Variants in ZNF778 observed in about 807,000 individuals in gnomAD.
ZNF778 encodes the protein zinc finger protein 778.
In ZNF778, 37 loss-of-function variants were observed where a neutral mutation model predicts 23.9. The ratio of observed to expected loss-of-function variants is 1.54; its 90% CI spans 1.19 to 2.03. The LOEUF (loss-of-function observed/expected upper bound fraction) is 2.03. Among genes scored for constraint, ZNF778 ranks in the 30% most tolerant of loss-of-function variants. The pLI is 0.00. For synonymous variants in ZNF778, 483 were observed against 343.9 expected, an observed-to-expected ratio of 1.40 and a Z score of -4.48; for missense variants, 1,297 against 934.4, an observed-to-expected ratio of 1.39 and a Z score of -5.06.
Position 89,224,705 on chromosome 16 carries a change from T to G in ZNF778, c.245-14T>G. On this transcript the variant is annotated splice_polypyrimidine_tract_variant and intron_variant, in intron 4 of 6. Coordinates refer to ENST00000433976, the MANE Select transcript of ZNF778 (RefSeq NM_001201407.2). ...CTGAGCCTCTTCCATCGATGTCTCT[T>G]TCCCTGTGTACAGGACATCACCTGT... 1 of 1,532,040 alleles carries G rather than the reference T, an allele frequency of 6.5e-7. No homozygotes were observed. Among genetic ancestry groups the G allele is most frequent in the African/African-American group, 1.4e-5 (1 of 73,030 alleles). 94.9% of individuals were successfully genotyped at this position (1,532,040 alleles called of 1,614,324 possible).
intron 1 of ZNF778, among the ~76,000 whole-genome samples, chr16:89,219,539 T>C (rs2030710757): frequency 1.3e-5 from 2 of 152,220 alleles, no homozygotes; most frequent in Admixed American, 1.3e-4. Flanking sequence ...TCTGAAAAGG[T>C]AAGTGGTCAG....
chr16:89,228,104 G>A lies in ZNF778; in HGVS notation c.1816G>A (p.Glu606Lys), dbSNP rs772048314. 14 of 1,612,830 alleles carry A rather than the reference G, an allele frequency of 8.7e-6. No homozygotes were observed. The highest frequency in any genetic ancestry group is 1.6e-4 in the Middle Eastern group (1 of 6,082). ...KTFTVSSSLT[E>K]HIRTHTGEKP... ...ATTCACTGTTTCTTCGAGCCTAACC[G>A]AGCACATACGAACTCACACTGGAGA... The change falls in exon 7 of 7, where the codon GAG (glutamate) becomes AAG (lysine). Residue 606 changes from glutamate (E) to lysine (K), a missense_variant. Coordinates refer to ENST00000433976, the MANE Select transcript of ZNF778 (RefSeq NM_001201407.2).
rs1051080128 is a variant in ZNF778, at chr16:89,229,370, A to G, written c.*808A>G. ...AGATGTGATCTTGTGTGAGCACTGT[A>G]GGCTCTGGTTGGTTAGTCTTGAGGA... On this transcript the variant is annotated 3_prime_UTR_variant, in exon 7 of 7. Transcript: ENST00000433976. 1.0e-6 allele frequency: 1 copy of G among 984,306 alleles called. No individual in the cohort carries two copies. Among genetic ancestry groups the G allele is most frequent in the African/African-American group, 1.8e-5 (1 of 56,620 alleles). 61.0% of individuals were successfully genotyped at this position (984,306 alleles called of 1,614,324 possible). A position where few individuals can be genotyped will look rare whatever the true frequency, so the allele number is the denominator to read the frequency against.
chr16:89,218,278 C>T (rs1432056343), intron 1 of ZNF778: 3 of 152,242 alleles, frequency 2.0e-5, no homozygotes, highest in Non-Finnish European at 2.9e-5. Context: ...ACATCTGCTA[C>T]AAGGAATATC....
rs2031795212 is a variant in ZNF778, at chr16:89,229,539, GGTTA to G, written c.*980_*983del. 7.2e-6 allele frequency: 7 copies of G among 975,526 alleles called. No individual in the cohort carries two copies. Among genetic ancestry groups the G allele is most frequent in the Non-Finnish European group, 8.5e-6 (7 of 828,228 alleles). The allele number at this position is 975,526 out of a possible 1,614,324, so 60.4% of individuals were successfully genotyped here. A position where few individuals can be genotyped will look rare whatever the true frequency, so the allele number is the denominator to read the frequency against. On this transcript the variant is annotated 3_prime_UTR_variant, in exon 7 of 7. Transcript: ENST00000433976. Reference sequence around the variant, plus strand: ...TCTGTGAGCAGCATAGGCTCTGGTTGGTTAGTCTTGAGGATCCAGATGTGATTCT... The same window carrying G: ...TCTGTGAGCAGCATAGGCTCTGGTTGGTCTTGAGGATCCAGATGTGATTCT...
intron 6 of ZNF778, 150 bp from the exon 7 acceptor site, chr16:89,226,544 C>T: frequency 1.5e-6 from 1 of 669,448 alleles, no homozygotes. Context: ...CCTCATTTGA[C>T]TTGAAAGACA....
chr16:89,224,345 G>A lies in ZNF778; in HGVS notation c.245-374G>A, dbSNP rs1038192041. Among the ~76,000 whole-genome samples the A allele has an allele frequency of 3.9e-5, 6 of 152,194 alleles. 1 individual carries two copies. In the South Asian group the frequency reaches 6.2e-4, roughly 16 times the overall value. On this transcript the variant is annotated intron_variant, in intron 4 of 6. Coordinates refer to ENST00000433976, the MANE Select transcript of ZNF778 (RefSeq NM_001201407.2). ...ATCCGAGCACTCTGGGACGCCAGACGCAGTGGCTCATGCCTGTAATCCTAG... is the reference window on the plus strand; with the variant it reads ...ATCCGAGCACTCTGGGACGCCAGACACAGTGGCTCATGCCTGTAATCCTAG...
chr16:89,218,884 G>C (rs1295872890), intron 1 of ZNF778, among the ~76,000 whole-genome samples: 1 of 152,158 alleles, frequency 6.6e-6, no homozygotes, highest in African/African-American at 2.4e-5. Flanking sequence ...GAGGCGGGTG[G>C]ATCATCTGAG....
chr16:89,220,699 G>A (rs1026952183), intron 1 of ZNF778, among the ~76,000 whole-genome samples: 2 of 152,158 alleles, frequency 1.3e-5, no homozygotes, highest in African/African-American at 2.4e-5. Context: ...ACATGTACCA[G>A]CTAACCGTCC....
At chr16:89,223,083 C>T in intron 3 of ZNF778, 74 bp from the exon 4 acceptor site, 4 of 1,547,530 alleles carry the variant, frequency 2.6e-6, no homozygotes, top group Non-Finnish European at 3.5e-6. Flanking sequence ...AGGCGTAGGG[C>T]CCCGCCTCCT....
chr16:89,226,720 CTG>C lies in ZNF778; in HGVS notation c.435_436del (p.Cys145Ter). ...TARSHNGGQL[C>X]DRTQCGEAFS... ...CAAGAAGCCACAATGGAGGGCAGCT[CTG>C]TGACCGCACGCAGTGTGGAGAAGCT... On this transcript the variant is annotated frameshift_variant, in exon 7 of 7. Transcript: ENST00000433976. LOFTEE classifies it low-confidence loss of function (END_TRUNC). The C allele has an allele frequency of 6.2e-7, 1 of 1,612,916 alleles. No individual in the cohort carries two copies. Among genetic ancestry groups the C allele is most frequent in the Non-Finnish European group, 8.5e-7 (1 of 1,179,106 alleles).
intron 1 of ZNF778, among the ~76,000 whole-genome samples, chr16:89,218,466 C>T (rs926679649): frequency 5.3e-5 from 8 of 152,244 alleles, no homozygotes; most frequent in Non-Finnish European, 2.9e-5. Flanking sequence ...CATTATCCTA[C>T]TGAAACCACA....
Position 89,227,954 on chromosome 16 carries a change from A to G in ZNF778, c.1666A>G (p.Thr556Ala). 1.3e-6 allele frequency: 2 copies of G among 1,590,232 alleles called. No homozygotes were observed. The highest frequency in any genetic ancestry group is 1.7e-6 in the Non-Finnish European group (2 of 1,165,282). Residue 556 changes from threonine to alanine, a missense_variant, in exon 7 of 7, where the codon ACA becomes GCA. By Grantham distance (58) the Thr-to-Ala change is moderately conservative (BLOSUM62 0). Coordinates refer to ENST00000433976, the MANE Select transcript of ZNF778 (RefSeq NM_001201407.2). ...YLLNEHVKTH[T>A]EEKPFICTVC... Reference sequence around the variant, plus strand: ...ACTGAATGAGCATGTGAAAACTCACACAGAGGAGAAGCCCTTTATATGTAC... The same window carrying G: ...ACTGAATGAGCATGTGAAAACTCACGCAGAGGAGAAGCCCTTTATATGTAC...
chr16:89,227,956 A>C lies in ZNF778; in HGVS notation c.1668A>C (p.Thr556=). The C allele has an allele frequency of 1.9e-6, 3 of 1,589,794 alleles. No individual in the cohort carries two copies. The highest frequency in any genetic ancestry group is 2.6e-6 in the Non-Finnish European group (3 of 1,165,080). The change falls in exon 7 of 7, where the codon ACA becomes ACC. Residue 556 remains threonine (T), a synonymous_variant. Coordinates refer to ENST00000433976, the MANE Select transcript of ZNF778 (RefSeq NM_001201407.2). The stretch of plus-strand genomic sequence containing the variant: ...TGAATGAGCATGTGAAAACTCACAC[A>C]GAGGAGAAGCCCTTTATATGTACGG... The part of the protein sequence containing the change: ...YLLNEHVKTH[T]EEKPFICTVC...
At position 89,233,548 on chromosome 16, in the gene ZNF778, C is replaced by T. The variant is rs1307134343; in HGVS notation, c.*4986C>T. 1 of 1,289,448 alleles carries T rather than the reference C, an allele frequency of 7.8e-7. No individual in the cohort carries two copies. The highest frequency in any genetic ancestry group is 2.3e-5 in the Admixed American group (1 of 43,520). The allele number at this position is 1,289,448 out of a possible 1,614,324, so 79.9% of individuals were successfully genotyped here. ...AACTCGCACTGCGTATGCAAATCAA[C>T]TCACTGCATATGCAACTCAGCTCGC... is the stretch of plus-strand genomic sequence containing the variant. On this transcript the variant is annotated 3_prime_UTR_variant, in exon 7 of 7. Coordinates refer to ENST00000433976, the MANE Select transcript of ZNF778 (RefSeq NM_001201407.2).
intron 2 of ZNF778, 107 bp from the exon 3 acceptor site, chr16:89,221,985 G>C (rs2030999894): frequency 1.4e-6 from 1 of 695,424 alleles, no homozygotes; most frequent in Non-Finnish European, 2.4e-6. Context: ...GAGTGTGCAG[G>C]AGTACGTGAT....
Position 89,233,286 on chromosome 16 carries a change from CGT to C in ZNF778, c.*4725_*4726del. ...TGCGTATGCAACTCAGCTCGCACTG[CGT>C]ATGCAACTCAGCTCGCTCTGCGTAT... is the stretch of plus-strand genomic sequence containing the variant. On this transcript the variant is annotated 3_prime_UTR_variant, in exon 7 of 7. Coordinates refer to ENST00000433976, the MANE Select transcript of ZNF778 (RefSeq NM_001201407.2). 1 of 1,274,444 alleles carries C rather than the reference CGT, an allele frequency of 7.8e-7. No individual in the cohort carries two copies. The highest frequency in any genetic ancestry group is 1.0e-6 in the Non-Finnish European group (1 of 983,254). 78.9% of individuals were successfully genotyped at this position (1,274,444 alleles called of 1,614,324 possible). A position where few individuals can be genotyped will look rare whatever the true frequency, so the allele number is the denominator to read the frequency against.
At chr16:89,219,890 T>G (rs1469352737) in intron 1 of ZNF778, among the ~76,000 whole-genome samples, 1 of 152,258 alleles carries the variant, frequency 6.6e-6, no homozygotes, top group East Asian at 1.9e-4. Flanking sequence ...GAGGTGCATA[T>G]CGGAGGGGAT....
At position 89,227,203 on chromosome 16, in the gene ZNF778, G is replaced by A. The variant is rs768971394; in HGVS notation, c.915G>A (p.Gly305=). ...YLTGRVQVHP[G]EKPCELEECG... is the part of the protein sequence containing the mutation. ...CTGGTCGCGTGCAAGTCCACCCTGG[G>A]GAAAAGCCCTGTGAATTGGAAGAAT... is the stretch of plus-strand genomic sequence containing the variant. Residue 305 remains glycine (G), a synonymous_variant, in exon 7 of 7, where the codon GGG becomes GGA. Transcript: ENST00000433976. 17 of 1,613,778 alleles carry A rather than the reference G, an allele frequency of 1.1e-5. No individual in the cohort carries two copies. The highest frequency in any genetic ancestry group is 1.3e-5 in the African/African-American group (1 of 74,894).
Sources: gnomAD v4.1 joint callset for allele counts (sites outside exome capture counted in the v4.1 genomes callset) on GRCh38, gnomAD v4.1.1 for gene constraint, MANE v1.5 for transcripts, NCBI Gene and HGNC (gene_info 2026-07-23, HGNC 2026-07-21) for gene names.